Variants in RAB37 observed in about 807,000 individuals in gnomAD.
The protein encoded by RAB37 is RAB37, member RAS oncogene family, also known as ras-related protein Rab-37.
RAB37 carries 29 observed loss-of-function variants against 33.1 expected under a neutral mutation model. The observed-to-expected ratio is 0.88, with a 90% CI of 0.65 to 1.20. The LOEUF is 1.20. Among genes scored for constraint, RAB37 ranks in the 50% most tolerant of loss-of-function variants. The pLI is 0.00. For missense variants in RAB37, 299 were observed against 301.1 expected (o/e 0.99, Z 0.05); for synonymous variants, 128 against 119.5 (o/e 1.07, Z -0.47).
Position 74,742,297 on chromosome 17 carries a change from T to G in RAB37, c.246+2T>G. On this transcript the variant is annotated splice_donor_variant, in intron 3 of 8. Transcript: ENST00000392613. LOFTEE classifies it high-confidence loss of function. This position sits in a 1 kb window ranked among gnomAD's most constrained non-coding sequence, Gnocchi z 4.0. ...GATGGCGTGAGAGTGAAGCTGCAGG[T>G]GAGACCAGAGGCTGGAGTTGGGGAG... is the stretch of plus-strand genomic sequence containing the variant. 4.3e-6 allele frequency: 7 copies of G among 1,612,164 alleles called. No individual in the cohort carries two copies. Among genetic ancestry groups the G allele is most frequent in the Non-Finnish European group, 5.9e-6 (7 of 1,178,714 alleles).
intron 1 of RAB37, among the ~76,000 whole-genome samples, chr17:74,728,817 GTT>G (rs897733344): frequency 1.4e-4 from 22 of 151,744 alleles, no homozygotes; most frequent in Admixed American, 1.4e-3. Context: ...GTGTACATGT[GTT>G]TTTCTGTGTC....
Position 74,730,315 on chromosome 17 carries a change from G to A in RAB37, c.183+949G>A, listed in dbSNP as rs950207002. On this transcript the variant is annotated intron_variant, in intron 2 of 7. Transcript: ENST00000340415. The surrounding 1 kb of genome is among the most constrained non-coding windows in gnomAD (Gnocchi z 4.4). ...CAGGGCCTGTGAGATCACGCTCAGG[G>A]TCAGGACGCAGCAGTGCCACACTGA... Among the ~76,000 whole-genome samples, 7 of 152,218 alleles carry A rather than the reference G, an allele frequency of 4.6e-5. No individual in the cohort carries two copies. The highest frequency in any genetic ancestry group is 1.0e-4 in the Non-Finnish European group (7 of 68,036).
chr17:74,705,280 T>C (rs1165896868), intron 1 of RAB37: 1 of 700,204 alleles, frequency 1.4e-6, no homozygotes, highest in South Asian at 1.5e-5. Flanking sequence ...GAGGCTGTCC[T>C]GGTGGTCCTA....
At chr17:74,724,247 G>A (rs2034277651) in intron 1 of RAB37, among the ~76,000 whole-genome samples, 1 of 152,184 alleles carries the variant, frequency 6.6e-6, no homozygotes, top group South Asian at 2.1e-4. Context: ...GGTTTGGTCT[G>A]GAAAGGCGGG....
intron 1 of RAB37, among the ~76,000 whole-genome samples, chr17:74,712,449 C>T (rs554747312): frequency 4.6e-5 from 7 of 152,326 alleles, no homozygotes; most frequent in South Asian, 4.1e-4. Context: ...TCTTCCCTGA[C>T]GCCTGCCCTT....
At chr17:74,741,450 G>C (rs2034612673) in intron 2 of RAB37, among the ~76,000 whole-genome samples, 1 of 152,182 alleles carries the variant, frequency 6.6e-6, no homozygotes, top group Non-Finnish European at 1.5e-5. Context: ...GCCAGGTGTA[G>C]TGGCACGCTC....
chr17:74,709,709 G>T (rs897687825), intron 1 of RAB37, among the ~76,000 whole-genome samples: 2 of 151,852 alleles, frequency 1.3e-5, no homozygotes, highest in Admixed American at 6.6e-5. Flanking sequence ...GGGACGACAG[G>T]ACCACAGGCA....
rs1414304638 is a variant in RAB37 at position 74,742,792 on chromosome 17, A to AT, written c.247-331dup. On this transcript the variant is annotated intron_variant, in intron 3 of 8. Coordinates refer to ENST00000392613, the MANE Select transcript of RAB37 (RefSeq NM_001006638.3). This position sits in a 1 kb window ranked among gnomAD's most constrained non-coding sequence, Gnocchi z 4.0. ...AGGTGCATGCCACCACACCTGGCTA[A>AT]TTTTTTGTATTTTTAGTAGAGACGG... Among the ~76,000 whole-genome samples the AT allele has an allele frequency of 6.6e-6, 1 of 151,792 alleles. No individual in the cohort carries two copies. Among genetic ancestry groups the AT allele is most frequent in the East Asian group, 1.9e-4 (1 of 5,144 alleles).
chr17:74,710,589 T>A (rs1054344902), intron 1 of RAB37, among the ~76,000 whole-genome samples: 1 of 151,788 alleles, frequency 6.6e-6, no homozygotes, highest in Non-Finnish European at 1.5e-5. Flanking sequence ...CTGGGCGCGG[T>A]GGCTCACGCC....
intron 1 of RAB37, among the ~76,000 whole-genome samples, chr17:74,689,956 G>C (rs564029263): frequency 6.6e-6 from 1 of 152,088 alleles, no homozygotes; most frequent in Non-Finnish European, 1.5e-5. Context: ...GGCTTATCAA[G>C]TGGAATCTTT....
chr17:74,675,240 T>G (rs530554049), intron 1 of RAB37, among the ~76,000 whole-genome samples: 12 of 151,846 alleles, frequency 7.9e-5, no homozygotes, highest in East Asian at 1.9e-4. Flanking sequence ...ATCGAGACCA[T>G]CCTGGCCAAC....
chr17:74,675,174 C>T (rs546618807), intron 1 of RAB37, among the ~76,000 whole-genome samples: 368 of 152,046 alleles, frequency 2.4e-3, no homozygotes, highest in African/African-American at 8.0e-3. Context: ...ATTGGCTGGG[C>T]GCAGTGGCTC....
chr17:74,692,988 G>A (rs1346376497), intron 1 of RAB37, among the ~76,000 whole-genome samples: 1 of 152,150 alleles, frequency 6.6e-6, no homozygotes, highest in African/African-American at 2.4e-5. Flanking sequence ...CCCACTTAAG[G>A]CACCACACAG....
chr17:74,730,230 G>A lies in RAB37; in HGVS notation c.183+864G>A, dbSNP rs1450337586. Among the ~76,000 whole-genome samples, 1 of 152,208 alleles carries A rather than the reference G, an allele frequency of 6.6e-6. No homozygotes were observed. Among genetic ancestry groups the A allele is most frequent in the Non-Finnish European group, 1.5e-5 (1 of 68,044 alleles). On this transcript the variant is annotated intron_variant, in intron 2 of 7. Transcript: ENST00000340415. The surrounding 1 kb of genome is among the most constrained non-coding windows in gnomAD (Gnocchi z 4.4). ...CAGAATCCTAGCATCTCAAGATGGG[G>A]AAGAGCAAACATCTCTTCTTGGACA...
chr17:74,736,661 C>T, upstream of RAB37: 1 of 1,535,614 alleles, frequency 6.5e-7, no homozygotes, highest in African/African-American at 1.4e-5. Flanking sequence ...GAGAGGTGAT[C>T]CATACTAAAG....
intron 1 of RAB37, among the ~76,000 whole-genome samples, chr17:74,707,979 C>G (rs1282006843): frequency 6.6e-6 from 1 of 151,640 alleles, no homozygotes; most frequent in Admixed American, 6.6e-5. Flanking sequence ...GAAACCCCAT[C>G]TCTACTAAAA....
chr17:74,727,933 G>A (rs552842586), intron 1 of RAB37, among the ~76,000 whole-genome samples: 2 of 152,024 alleles, frequency 1.3e-5, no homozygotes, highest in South Asian at 4.2e-4. Context: ...TATGCTGCAT[G>A]TCTGTGAATG....
intron 1 of RAB37, among the ~76,000 whole-genome samples, chr17:74,714,263 G>A (rs1037168004): frequency 7.2e-5 from 11 of 152,116 alleles, no homozygotes; most frequent in East Asian, 3.9e-4. Context: ...ATGCATGCCT[G>A]TAGTCCAAGC....
chr17:74,679,902 C>T (rs559922197), intron 1 of RAB37, among the ~76,000 whole-genome samples: 49 of 150,742 alleles, frequency 3.3e-4, no homozygotes, highest in African/African-American at 1.1e-3. Context: ...TGCTTGAACC[C>T]AGGAGGCGGA....
Sources: gnomAD v4.1 joint callset for allele counts (sites outside exome capture counted in the v4.1 genomes callset) on GRCh38, gnomAD v4.1.1 for gene constraint, Gnocchi (gnomAD v3.1) non-coding constraint, MANE v1.5 for transcripts, NCBI Gene and HGNC (gene_info 2026-07-23, HGNC 2026-07-21) for gene names.